CEP97: variants seen among roughly 807,000 people sequenced by gnomAD.
CEP97 encodes the protein centrosomal protein of 97 kDa.
CEP97 carries 43 observed loss-of-function variants against 73.1 expected under a neutral mutation model. The observed-to-expected ratio is 0.59, with a 90% CI of 0.46 to 0.76. The LOEUF (loss-of-function observed/expected upper bound fraction) is 0.76, where lower values mean the gene tolerates loss of function less well. Ranked by LOEUF, CEP97 falls within the 30% of genes least tolerant of loss-of-function variation. The probability of loss-of-function intolerance (pLI) is 0.00; values close to 1 mark genes in which losing one functional copy is unlikely to be tolerated. For missense variants in CEP97, 939 were observed against 1,014.0 expected (o/e 0.93, Z 1.00); for synonymous variants, 337 against 370.0 (o/e 0.91, Z 1.02).
chr3:101,724,834 G>A (rs979409201), intron 1 of CEP97, 115 bp downstream of exon 1: 23 of 1,106,210 alleles, frequency 2.1e-5, no homozygotes, highest in South Asian at 2.7e-5. Context: ...TTTTGATGCG[G>A]ATCTGTGGTC....
At chr3:101,757,502 G>C (rs1227293770) in intron 8 of CEP97, 132 bp from the exon 9 acceptor site, 3 of 800,772 alleles carry the variant, frequency 3.7e-6, no homozygotes, top group Admixed American at 6.1e-5. Flanking sequence ...TGATGTTTTC[G>C]GCATATTGGA....
intron 7 of CEP97, 48 bp downstream of exon 7, chr3:101,755,642 C>A: frequency 1.3e-6 from 2 of 1,574,910 alleles, no homozygotes; most frequent in East Asian, 2.2e-5. Context: ...AGTTAAAATA[C>A]CTCTGAGTCT....
intron 8 of CEP97, 58 bp from the exon 9 acceptor site, chr3:101,757,576 G>A (rs893557396): frequency 6.8e-7 from 1 of 1,473,084 alleles, no homozygotes; most frequent in African/African-American, 1.4e-5. Context: ...TCATTAAAGG[G>A]ACATAACTAA....
At position 101,757,057 on chromosome 3, in the gene CEP97, T is replaced by C; in HGVS notation, c.894-6T>C. The C allele has an allele frequency of 6.3e-7, 1 of 1,598,494 alleles. No homozygotes were observed. Among genetic ancestry groups the C allele is most frequent in the Non-Finnish European group, 8.5e-7 (1 of 1,175,580 alleles). ...TTAAATTAGACCAGGTATTATTGAT[T>C]TTTAGGTTTCACCAGAGGCAGTTGA... On this transcript the variant is annotated splice_polypyrimidine_tract_variant and splice_region_variant and intron_variant, in intron 7 of 10. Transcript: ENST00000341893.
chr3:101,738,011 CAAAAAAAAAAAAAAA>C (rs770745532), intron 6 of CEP97, among the ~76,000 whole-genome samples: 22 of 44,206 alleles, frequency 5.0e-4, no homozygotes, highest in Non-Finnish European at 6.9e-4. Context: ...AAATGGAAAG[CAAAAAAAAAAAAAAA>C]AAAAAAAAGC....
rs971365442 is a variant in CEP97, at chr3:101,758,128, A to G, written c.1522A>G (p.Thr508Ala). 6.2e-7 allele frequency: 1 copy of G among 1,614,234 alleles called. No homozygotes were observed. Among genetic ancestry groups the G allele is most frequent in the South Asian group, 1.1e-5 (1 of 91,084 alleles). Residue 508 changes from threonine (T) to alanine (A), a missense_variant, in exon 9 of 11, where the codon ACT (threonine) becomes GCT (alanine). Thr to Ala is a moderately conservative substitution (Grantham distance 58). Transcript: ENST00000341893. ...NHSLTFFPES[T>A]EQKQSDIKKP... ...CAGTCTTACATTTTTTCCTGAGTCA[A>G]CTGAGCAGAAACAATCAGACATAAA...
intron 6 of CEP97, among the ~76,000 whole-genome samples, chr3:101,747,562 CTT>C (rs34455491): frequency 6.3e-5 from 8 of 127,126 alleles, no homozygotes; most frequent in African/African-American, 2.9e-5. Context: ...CCTGGCCTTC[CTT>C]TTTTTTTTTT....
Position 101,758,080 on chromosome 3 carries a change from G to A in CEP97, c.1474G>A (p.Ala492Thr). Residue 492 changes from alanine (A) to threonine (T), a missense_variant, in exon 9 of 11, where the codon GCT becomes ACT. By Grantham distance (58) the Ala-to-Thr change is moderately conservative. Coordinates refer to ENST00000341893, the MANE Select transcript of CEP97 (RefSeq NM_024548.4). ...LPCPEPTIIS[A>T]ILKDDNHSLT... ...TTGTCCTGAGCCAACAATAATCAGT[G>A]CTATCTTGAAGGATGATAACCACAG... 1.9e-6 allele frequency: 3 copies of A among 1,614,220 alleles called. No homozygotes were observed. Among genetic ancestry groups the A allele is most frequent in the East Asian group, 2.2e-5 (1 of 44,884 alleles).
At chr3:101,724,820 G>A in intron 1 of CEP97, 101 bp downstream of exon 1, 1 of 1,251,978 alleles carries the variant, frequency 8.0e-7, no homozygotes, top group Middle Eastern at 1.9e-4. Context: ...TTCTGGACCA[G>A]TTCTTTTGAT....
chr3:101,744,453 C>T (rs1283152220), intron 6 of CEP97, among the ~76,000 whole-genome samples: 1 of 151,926 alleles, frequency 6.6e-6, no homozygotes, highest in African/African-American at 2.4e-5. Flanking sequence ...TGTGGTAGCA[C>T]ATGCCTGTAA....
chr3:101,765,552 C>T lies in CEP97; in HGVS notation c.*1C>T, dbSNP rs373512454. ...ATTGCATGTTGGTGTTACTGTGTAG[C>T]ATGTCTTTTGGGAGGCAGATATCCA... On this transcript the variant is annotated 3_prime_UTR_variant, in exon 11 of 11. Coordinates refer to ENST00000341893, the MANE Select transcript of CEP97 (RefSeq NM_024548.4). The T allele has an allele frequency of 2.6e-5, 42 of 1,590,246 alleles. No homozygotes were observed. The highest frequency in any genetic ancestry group is 3.5e-5 in the Non-Finnish European group (41 of 1,164,892).
At chr3:101,741,893 T>C (rs550090787) in intron 6 of CEP97, among the ~76,000 whole-genome samples, 60 of 151,508 alleles carry the variant, frequency 4.0e-4, no homozygotes, top group African/African-American at 1.4e-3. Flanking sequence ...TAGAAAAAAA[T>C]TAGCCAGGTG....
Position 101,755,504 on chromosome 3 carries a change from A to C in CEP97, c.803A>C (p.Gln268Pro). The C allele has an allele frequency of 6.2e-7, 1 of 1,614,170 alleles. No homozygotes were observed. Among genetic ancestry groups the C allele is most frequent in the Non-Finnish European group, 8.5e-7 (1 of 1,180,014 alleles). The change falls in exon 7 of 11, where the codon CAA becomes CCA. Residue 268 changes from glutamine to proline, a missense_variant. Gln to Pro is a moderately conservative substitution (Grantham distance 76). Transcript: ENST00000341893. ...YRPGQHIQLVQYLATVCPLTS... is the reference protein window; with the variant it reads ...YRPGQHIQLVPYLATVCPLTS... ...CCTGGCCAGCACATCCAGCTTGTCC[A>C]ATATCTGGCTACAGTCTGCCCCCTC...
rs201975718 is a variant in CEP97, at chr3:101,733,124, G to GA, written c.728+479dup. Reference sequence around the variant, plus strand: ...GGTGACAGAGTGAGACCCTGTCTCTGAAAAAAAAAGAAGAAATCTCGGCCC... The same window carrying GA: ...GGTGACAGAGTGAGACCCTGTCTCTGAAAAAAAAAAGAAGAAATCTCGGCCC... On this transcript the variant is annotated intron_variant, in intron 6 of 10. Transcript: ENST00000341893. Among the ~76,000 whole-genome samples, 14 of 150,778 alleles carry GA rather than the reference G, an allele frequency of 9.3e-5. 1 individual carries two copies. The highest frequency in any genetic ancestry group is 3.4e-4 in the African/African-American group (14 of 41,086).
At chr3:101,740,244 A>G (rs138345370) in intron 6 of CEP97, among the ~76,000 whole-genome samples, 7,473 of 152,262 alleles carry the variant, frequency 0.049, 652 homozygotes, top group African/African-American at 0.17. Flanking sequence ...CCAGCCCAAA[A>G]TCTCCTTAAG....
At chr3:101,750,315 C>T (rs1938766693) in intron 6 of CEP97, among the ~76,000 whole-genome samples, 1 of 149,496 alleles carries the variant, frequency 6.7e-6, no homozygotes, top group Non-Finnish European at 1.5e-5. Flanking sequence ...AGATATGCGG[C>T]GTTATTTCTG....
intron 6 of CEP97, among the ~76,000 whole-genome samples, chr3:101,734,090 T>G (rs1292923260): frequency 6.6e-6 from 1 of 152,210 alleles, no homozygotes; most frequent in Non-Finnish European, 1.5e-5. Context: ...CCTCCCAAAG[T>G]GTTGGGATTA....
intron 6 of CEP97, among the ~76,000 whole-genome samples, chr3:101,749,057 A>G (rs949810620): frequency 6.6e-6 from 1 of 152,038 alleles, no homozygotes; most frequent in South Asian, 2.1e-4. Flanking sequence ...GGTTAGTTAC[A>G]TATGTATACG....
Position 101,764,902 on chromosome 3 carries a change from A to G in CEP97, c.1949A>G (p.His650Arg). The change falls in exon 11 of 11, where the codon CAT becomes CGT. Residue 650 changes from histidine (H) to arginine (R), a missense_variant. Coordinates refer to ENST00000341893, the MANE Select transcript of CEP97 (RefSeq NM_024548.4). ...GTGGACCAGCGTCTAAGTTCCTGGC[A>G]TACTGATGTTCCTCCTATATCAAGT... The part of the protein sequence containing the change: ...QTVDQRLSSW[H>R]TDVPPISSTL... The G allele has an allele frequency of 6.8e-6, 11 of 1,614,078 alleles. No homozygotes were observed. Among genetic ancestry groups the G allele is most frequent in the Non-Finnish European group, 9.3e-6 (11 of 1,179,986 alleles).
Sources: gnomAD v4.1 joint callset for allele counts (sites outside exome capture counted in the v4.1 genomes callset) on GRCh38, gnomAD v4.1.1 for gene constraint, MANE v1.5 for transcripts, NCBI Gene and HGNC (gene_info 2026-07-23, HGNC 2026-07-21) for gene names.